Variants in PXK observed in about 807,000 individuals in gnomAD.
PXK encodes the protein PX domain-containing protein kinase-like protein.
A neutral mutation model predicts 84.7 loss-of-function variants in PXK; 35 were observed. The observed-to-expected ratio is 0.41, with a 90% CI of 0.32 to 0.55. The LOEUF (loss-of-function observed/expected upper bound fraction) is 0.55, where lower values mean the gene tolerates loss of function less well. Ranked by LOEUF, PXK falls within the 20% of genes least tolerant of loss-of-function variation. The pLI is 0.21. For synonymous variants in PXK, 253 were observed against 260.8 expected (o/e 0.97, Z 0.29); for missense variants, 634 against 699.7 (o/e 0.91, Z 1.06).
intron 3 of PXK, among the ~76,000 whole-genome samples, chr3:58,371,949 G>T (rs1025246532): frequency 6.6e-6 from 1 of 152,072 alleles, no homozygotes; most frequent in African/African-American, 2.4e-5. Flanking sequence ...TCAAACCTCA[G>T]AATAAAACTG....
rs896153287 is a variant in PXK, at chr3:58,382,784, T to G, written c.388+84T>G. ...GGAGATAACGTATGTGGGAGAAATG[T>G]TTTCTCAAAATGGGGATGTGTATAC... On this transcript the variant is annotated intron_variant, in intron 4 of 17. Coordinates refer to ENST00000356151, the MANE Select transcript of PXK (RefSeq NM_017771.5). The G allele has an allele frequency of 6.4e-6, 7 of 1,092,366 alleles. No individual in the cohort carries two copies. The African/African-American group carries it at 1.1e-4, about 18-fold the overall frequency. The allele number at this position is 1,092,366 out of a possible 1,614,324, so 67.7% of individuals were successfully genotyped here. A position where few individuals can be genotyped will look rare whatever the true frequency, so the allele number is the denominator to read the frequency against.
chr3:58,403,499 T>C (rs966433391), intron 12 of PXK, among the ~76,000 whole-genome samples: 2 of 152,204 alleles, frequency 1.3e-5, no homozygotes, highest in African/African-American at 2.4e-5. Context: ...GCAAGAAAAA[T>C]AGCAGAAAAC....
At chr3:58,359,152 A>G (rs1006834182) in intron 1 of PXK, among the ~76,000 whole-genome samples, 2 of 152,190 alleles carry the variant, frequency 1.3e-5, no homozygotes, top group African/African-American at 2.4e-5. Context: ...TGTAGTTTAT[A>G]TGTGTTTATA....
At chr3:58,376,604 T>A (rs568519148) in intron 3 of PXK, among the ~76,000 whole-genome samples, 2 of 152,034 alleles carry the variant, frequency 1.3e-5, no homozygotes, top group South Asian at 4.1e-4. Flanking sequence ...ACATCAGTTG[T>A]GTTTTAGGTA....
rs111264652 is a variant in PXK, at chr3:58,365,933, CT to C, written c.153+24del. On this transcript the variant is annotated intron_variant, in intron 2 of 17. Transcript: ENST00000356151. ...TGGAAAACAGCTGGCAGGTAAGCAT[CT>C]TTTTTTTTTTTTTTGTCAATTAGAA... 0.062 allele frequency: 81,717 copies of C among 1,324,618 alleles called. No homozygotes were observed. Among genetic ancestry groups the C allele is most frequent in the East Asian group, 0.13 (4,635 of 34,988 alleles). The allele number at this position is 1,324,618 out of a possible 1,614,324, so 82.1% of individuals were successfully genotyped here.
rs113142021 is a variant in PXK at position 58,416,289 on chromosome 3, A to T, written c.1528+3326A>T. ...TTATTACCTTCTTGTTTACCAAGTTACTTAATTACTTCTAGGGCTAGCTGG... is the reference window on the plus strand; with the variant it reads ...TTATTACCTTCTTGTTTACCAAGTTTCTTAATTACTTCTAGGGCTAGCTGG... On this transcript the variant is annotated intron_variant, in intron 17 of 17. Transcript: ENST00000356151. The surrounding 1 kb of genome is among the most constrained non-coding windows in gnomAD (Gnocchi z 4.8). Among the ~76,000 whole-genome samples the T allele has an allele frequency of 0.019, 2,819 of 152,274 alleles. 84 individuals are homozygous for T. Among genetic ancestry groups the T allele is most frequent in the African/African-American group, 0.063 (2,629 of 41,536 alleles).
At position 58,394,991 on chromosome 3, in the gene PXK, T is replaced by G. The variant is rs776078512; in HGVS notation, c.616-7T>G. On this transcript the variant is annotated splice_region_variant and splice_polypyrimidine_tract_variant and intron_variant, in intron 7 of 17. Transcript: ENST00000356151. ...AATCAATGTGAATTTCTTTTTTGTT[T>G]TGACAGCACCCTTACATCTATCGGG... 1 of 1,599,096 alleles carries G rather than the reference T, an allele frequency of 6.3e-7. No individual in the cohort carries two copies. Among genetic ancestry groups the G allele is most frequent in the African/African-American group, 1.3e-5 (1 of 74,630 alleles).
intron 1 of PXK, among the ~76,000 whole-genome samples, chr3:58,346,445 G>A (rs2097821840): frequency 6.6e-6 from 1 of 152,056 alleles, no homozygotes; most frequent in African/African-American, 2.4e-5. Context: ...GGCCACAAGG[G>A]AAACAGAGGC....
intron 1 of PXK, among the ~76,000 whole-genome samples, chr3:58,351,354 A>G (rs185361367): frequency 6.6e-6 from 1 of 150,836 alleles, no homozygotes; most frequent in Non-Finnish European, 1.5e-5. Flanking sequence ...CAGCCCCCCA[A>G]ATAGCTGAGA....
chr3:58,405,177 T>C lies in PXK; in HGVS notation c.1230+1267T>C, dbSNP rs114817778. 6.8e-3 allele frequency among the ~76,000 whole-genome samples: 1,033 copies of C among 152,320 alleles called. 9 individuals carry two copies. Among genetic ancestry groups the C allele is most frequent in the African/African-American group, 0.024 (991 of 41,564 alleles). ...AAAGATATACAGGAGACTGGTAATG[T>C]TGGTTTCCTCCATGGAAGTAGGTGG... On this transcript the variant is annotated intron_variant, in intron 13 of 17. Transcript: ENST00000356151.
intron 1 of PXK, among the ~76,000 whole-genome samples, chr3:58,360,472 C>T (rs768213277): frequency 3.3e-5 from 5 of 152,046 alleles, no homozygotes; most frequent in African/African-American, 4.8e-5. Context: ...GAGTAGTGAC[C>T]GTGAGTAATG....
At chr3:58,393,120 G>A (rs994903352) in intron 7 of PXK, among the ~76,000 whole-genome samples, 2 of 152,056 alleles carry the variant, frequency 1.3e-5, no homozygotes, top group Non-Finnish European at 2.9e-5. Flanking sequence ...AGGCTGAGGC[G>A]GATGGATCAC....
intron 1 of PXK, among the ~76,000 whole-genome samples, chr3:58,353,173 T>A (rs1390544619): frequency 1.3e-5 from 2 of 151,932 alleles, no homozygotes; most frequent in Non-Finnish European, 2.9e-5. Context: ...ATTTTTTGTA[T>A]TTTTTAGTAG....
At chr3:58,371,118 A>G (rs2098364099) in intron 3 of PXK, among the ~76,000 whole-genome samples, 1 of 152,256 alleles carries the variant, frequency 6.6e-6, no homozygotes, top group Non-Finnish European at 1.5e-5. Flanking sequence ...GGGCCTGAGT[A>G]TCTGCAGATG....
Position 58,390,995 on chromosome 3 carries a change from A to G in PXK, c.467-152A>G. The G allele has an allele frequency of 1.6e-6, 1 of 612,000 alleles. No homozygotes were observed. The highest frequency in any genetic ancestry group is 2.9e-6 in the Non-Finnish European group (1 of 348,018). The allele number at this position is 612,000 out of a possible 1,614,324, so 37.9% of individuals were successfully genotyped here. A position where few individuals can be genotyped will look rare whatever the true frequency, so the allele number is the denominator to read the frequency against. ...TTTCTTTTTAAGTATAGCCTTTACT[A>G]TGCCAACGTTATCAAATGGTTCTTT... On this transcript the variant is annotated intron_variant, in intron 5 of 17. Coordinates refer to ENST00000356151, the MANE Select transcript of PXK (RefSeq NM_017771.5). This position sits in a 1 kb window ranked among gnomAD's most constrained non-coding sequence, Gnocchi z 4.2.
rs147762602 is a variant in PXK, at chr3:58,414,492, G to A, written c.1528+1529G>A. On this transcript the variant is annotated intron_variant, in intron 17 of 17. Transcript: ENST00000356151. This position sits in a 1 kb window ranked among gnomAD's most constrained non-coding sequence, Gnocchi z 4.5. ...CTGTCTCATACAGTAGTAAGTTTGC[G>A]TGAGATAAGGTAACTTTTAGAATGA... 1.2e-4 allele frequency: 18 copies of A among 152,292 alleles called. No individual in the cohort carries two copies. The East Asian group carries it at 2.5e-3, about 21-fold the overall frequency. The allele number at this position is 152,292 out of a possible 1,614,324, so 9.4% of individuals were successfully genotyped here. A position where few individuals can be genotyped will look rare whatever the true frequency, so the allele number is the denominator to read the frequency against.
rs1263407653 is a variant in PXK, at chr3:58,401,215, G to A, written c.1181+1838G>A. Among the ~76,000 whole-genome samples, 1 of 152,172 alleles carries A rather than the reference G, an allele frequency of 6.6e-6. No individual in the cohort carries two copies. The highest frequency in any genetic ancestry group is 2.4e-5 in the African/African-American group (1 of 41,438). ...CATGTTCAATTAAAATGTGTCCTCT[G>A]GAAGTAAAGAGATGTGTGGCTGAGG... On this transcript the variant is annotated intron_variant, in intron 12 of 17. Transcript: ENST00000356151. This position sits in a 1 kb window ranked among gnomAD's most constrained non-coding sequence, Gnocchi z 4.4.
At chr3:58,357,224 A>T (rs998546813) in intron 1 of PXK, among the ~76,000 whole-genome samples, 2 of 151,822 alleles carry the variant, frequency 1.3e-5, no homozygotes, top group African/African-American at 4.8e-5. Flanking sequence ...GGTTGCAGTG[A>T]GCCGAGATTG....
intron 4 of PXK, 48 bp downstream of exon 4, chr3:58,382,748 T>C (rs749456645): frequency 2.2e-6 from 3 of 1,337,176 alleles, no homozygotes; most frequent in Admixed American, 2.8e-5. Flanking sequence ...AAAGAGGCAC[T>C]GTCCCTTGCT....
Sources: allele counts gnomAD v4.1 joint callset (sites outside exome capture counted in the v4.1 genomes callset), GRCh38; gene constraint gnomAD v4.1.1; non-coding constraint Gnocchi (gnomAD v3.1); transcripts MANE v1.5; gene names NCBI Gene and HGNC (gene_info 2026-07-23, HGNC 2026-07-21).